Variants in STAB2 observed in about 807,000 individuals in gnomAD.
STAB2 encodes the protein stabilin 2.
In STAB2, 288 loss-of-function variants were observed where a neutral mutation model predicts 338.1. The ratio of observed to expected loss-of-function variants is 0.85; its 90% CI spans 0.77 to 0.94. STAB2 has a LOEUF of 0.94. Ranked by LOEUF, STAB2 falls within the 40% of genes least tolerant of loss-of-function variation. The pLI, the probability that STAB2 is intolerant of heterozygous loss-of-function variation, is 0.00. For missense variants in STAB2, 3,141 were observed against 3,210.1 expected (o/e 0.98, Z 0.52); for synonymous variants, 1,202 against 1,193.3 (o/e 1.01, Z -0.15).
intron 10 of STAB2, 55 bp from the exon 11 acceptor site, chr12:103,650,441 C>T (rs895694870): frequency 2.0e-6 from 3 of 1,520,558 alleles, no homozygotes; most frequent in Non-Finnish European, 2.7e-6. Flanking sequence ...TTTACTCCTC[C>T]TGTACCACTG....
intron 3 of STAB2, among the ~76,000 whole-genome samples, chr12:103,607,204 C>T (rs977630890): frequency 3.3e-5 from 5 of 151,942 alleles, no homozygotes; most frequent in African/African-American, 1.2e-4. Context: ...TACTTTTCAT[C>T]AAATTTGGAA....
chr12:103,624,620 T>C (rs1957352341), intron 5 of STAB2, among the ~76,000 whole-genome samples: 1 of 152,206 alleles, frequency 6.6e-6, no homozygotes, highest in African/African-American at 2.4e-5. Flanking sequence ...GATTATTTCA[T>C]AAGACTGTTA....
At chr12:103,601,749 G>A (rs916392814) in intron 3 of STAB2, among the ~76,000 whole-genome samples, 5 of 152,070 alleles carry the variant, frequency 3.3e-5, no homozygotes, top group African/African-American at 9.7e-5. Flanking sequence ...AAGATTTCTC[G>A]ATTGAAAGTA....
chr12:103,587,841 A>C (rs1282656483), intron 1 of STAB2, among the ~76,000 whole-genome samples: 1 of 152,128 alleles, frequency 6.6e-6, no homozygotes, highest in African/African-American at 2.4e-5. Context: ...CTTGTTTTTC[A>C]TTTGTTCTAG....
chr12:103,705,603 G>A, intron 36 of STAB2, 29 bp from the exon 37 acceptor site: 2 of 1,607,118 alleles, frequency 1.2e-6, no homozygotes, highest in Non-Finnish European at 1.7e-6. Context: ...CCTAACTTAG[G>A]AGCTGACGTA....
At chr12:103,655,017 T>C (rs1874074098) in intron 13 of STAB2, 1 of 572,768 alleles carries the variant, frequency 1.7e-6, no homozygotes. Context: ...GCAATAAAAC[T>C]TATTACTTCT....
At chr12:103,638,719 G>T (rs768697065) in intron 8 of STAB2, among the ~76,000 whole-genome samples, 3 of 152,194 alleles carry the variant, frequency 2.0e-5, no homozygotes, top group Non-Finnish European at 4.4e-5. Context: ...TCAGGACCTT[G>T]ACTGATAAAA....
chr12:103,678,394 G>A (rs1172189679), intron 25 of STAB2, among the ~76,000 whole-genome samples: 7 of 152,182 alleles, frequency 4.6e-5, no homozygotes, highest in African/African-American at 1.7e-4. Flanking sequence ...TTGGTTCTCA[G>A]ACCTCTCATT....
chr12:103,629,256 A>T (rs530730839), intron 5 of STAB2, among the ~76,000 whole-genome samples: 2 of 152,356 alleles, frequency 1.3e-5, no homozygotes, highest in Admixed American at 1.3e-4. Context: ...CACCATATCC[A>T]TGGAGGAAAA....
chr12:103,708,344 G>T, intron 38 of STAB2, 97 bp from the exon 39 acceptor site: 3 of 1,195,848 alleles, frequency 2.5e-6, no homozygotes, highest in East Asian at 2.4e-5. Flanking sequence ...GAAGTAGGTT[G>T]GAGAATTAAG....
chr12:103,637,938 C>A, intron 7 of STAB2, 78 bp from the exon 8 acceptor site: 1 of 1,438,076 alleles, frequency 7.0e-7, no homozygotes, highest in African/African-American at 1.4e-5. Flanking sequence ...AGGTTTTGAT[C>A]CACTGTTGCT....
intron 25 of STAB2, among the ~76,000 whole-genome samples, chr12:103,679,385 A>AT (rs1876692425): frequency 6.6e-6 from 1 of 151,812 alleles, no homozygotes; most frequent in Non-Finnish European, 1.5e-5. Context: ...GAAAAAAAAA[A>AT]GGGGGGTCAA....
chr12:103,699,006 T>G, intron 33 of STAB2, 90 bp from the exon 34 acceptor site: 1 of 1,470,902 alleles, frequency 6.8e-7, no homozygotes, highest in Non-Finnish European at 9.1e-7. Flanking sequence ...TTGTTCCTCT[T>G]TGTAATCTCC....
intron 40 of STAB2, among the ~76,000 whole-genome samples, chr12:103,711,966 T>C (rs1879904691): frequency 6.6e-6 from 1 of 152,174 alleles, no homozygotes; most frequent in South Asian, 2.1e-4. Context: ...TGATCTTGAG[T>C]CCAACGTTGA....
At chr12:103,639,177 T>A (rs937459566) in intron 8 of STAB2, among the ~76,000 whole-genome samples, 11 of 152,218 alleles carry the variant, frequency 7.2e-5, no homozygotes, top group Admixed American at 5.9e-4. Flanking sequence ...ATAAAAGATA[T>A]GCTTTATCTC....
chr12:103,602,733 A>G (rs1956971482), intron 3 of STAB2, among the ~76,000 whole-genome samples: 1 of 151,980 alleles, frequency 6.6e-6, no homozygotes, highest in Admixed American at 6.6e-5. Flanking sequence ...TTTGCTATTT[A>G]TATATTTTTT....
chr12:103,664,418 A>G (rs1204042821), intron 18 of STAB2, among the ~76,000 whole-genome samples: 3 of 152,188 alleles, frequency 2.0e-5, no homozygotes, highest in African/African-American at 7.2e-5. Flanking sequence ...TGGTGGGATT[A>G]CAGGCGTGAG....
At chr12:103,596,952 CAAAAAAAAAAAAAA>C (rs35439238) in intron 3 of STAB2, among the ~76,000 whole-genome samples, 1 of 64,482 alleles carries the variant, frequency 1.6e-5, no homozygotes, top group African/African-American at 6.4e-5. Flanking sequence ...GACCCTATCT[CAAAAAAAAAAAAAA>C]AAAAAAAAAA....
chr12:103,689,791 GCT>G (rs1316564706), intron 28 of STAB2, 53 bp from the exon 29 acceptor site: 1 of 1,586,504 alleles, frequency 6.3e-7, no homozygotes, highest in African/African-American at 1.4e-5. Context: ...ATTTAAGGCA[GCT>G]CTGTTTGTCC....
Sources: gnomAD v4.1 joint callset for allele counts (sites outside exome capture counted in the v4.1 genomes callset) on GRCh38, gnomAD v4.1.1 for gene constraint, MANE v1.5 for transcripts, NCBI Gene and HGNC (gene_info 2026-07-23, HGNC 2026-07-21) for gene names.